STARD13: variants seen among roughly 807,000 people sequenced by gnomAD.
STARD13 encodes the protein stAR-related lipid transfer protein 13.
Under a neutral mutation model 106.4 loss-of-function variants are expected in STARD13, and 62 were observed. That is an observed-to-expected ratio of 0.58 (90% CI 0.48 to 0.72). The LOEUF is 0.72. Among genes scored for constraint, STARD13 ranks in the 30% least tolerant of loss-of-function variants. The probability of loss-of-function intolerance (pLI) is 0.00; values close to 1 mark genes in which losing one functional copy is unlikely to be tolerated. For synonymous variants in STARD13, 565 were observed against 553.0 expected, an observed-to-expected ratio of 1.02 and a Z score of -0.31; for missense variants, 1,387 against 1,424.0, an observed-to-expected ratio of 0.97 and a Z score of 0.42.
At chr13:33,478,492 A>G in the STARD13 span, among the ~76,000 whole-genome samples, 7 of 152,216 alleles carry the variant, frequency 4.6e-5, no homozygotes, top group Non-Finnish European at 7.3e-5. Context: ...AAGGTCAGAA[A>G]GGATATAAAT....
chr13:33,359,183 C>T, the STARD13 span, among the ~76,000 whole-genome samples: 1 of 152,100 alleles, frequency 6.6e-6, no homozygotes, highest in Non-Finnish European at 1.5e-5. Context: ...TGCTACTGCT[C>T]ACTCTTTGGG....
At chr13:33,489,883 C>T in the STARD13 span, among the ~76,000 whole-genome samples, 2 of 151,986 alleles carry the variant, frequency 1.3e-5, no homozygotes, top group Non-Finnish European at 2.9e-5. Flanking sequence ...ATTCTTTCTT[C>T]TAAAAGGGGT....
At position 33,103,668 on chromosome 13, in the gene STARD13, T is replaced by C. The variant is rs145243368; in HGVS notation, c.*1925A>G. On this transcript the variant is annotated 3_prime_UTR_variant, in exon 14 of 14. Coordinates refer to ENST00000336934, the MANE Select transcript of STARD13 (RefSeq NM_178006.4). Reference sequence around the variant, plus strand: ...AGGCAATTCATGTGCATGTGAAATCTGGACAAGCACCTCTCTGGGCGATAC... The same window carrying C: ...AGGCAATTCATGTGCATGTGAAATCCGGACAAGCACCTCTCTGGGCGATAC... The C allele has an allele frequency of 1.3e-5, 2 of 152,740 alleles. No homozygotes were observed. The highest frequency in any genetic ancestry group is 1.5e-5 in the Non-Finnish European group (1 of 68,022). The allele number at this position is 152,740 out of a possible 1,614,324, so 9.5% of individuals were successfully genotyped here. A position where few individuals can be genotyped will look rare whatever the true frequency, so the allele number is the denominator to read the frequency against.
At chr13:33,550,593 T>G in the STARD13 span, among the ~76,000 whole-genome samples, 141 of 152,328 alleles carry the variant, frequency 9.3e-4, 2 homozygotes, top group Admixed American at 8.9e-3. Flanking sequence ...ATGGTACAAA[T>G]CTTCAAAACC....
chr13:33,376,590 T>C, the STARD13 span, among the ~76,000 whole-genome samples: 1 of 151,798 alleles, frequency 6.6e-6, no homozygotes, highest in Non-Finnish European at 1.5e-5. Context: ...CACCACACTC[T>C]ATCCTGACCA....
the STARD13 span, among the ~76,000 whole-genome samples, chr13:33,500,557 A>G: frequency 1.3e-5 from 2 of 152,212 alleles, no homozygotes; most frequent in African/African-American, 4.8e-5. Context: ...AAGATGTTCA[A>G]TGAAAAATTT....
At chr13:33,373,022 C>T in the STARD13 span, among the ~76,000 whole-genome samples, 2 of 152,064 alleles carry the variant, frequency 1.3e-5, no homozygotes, top group African/African-American at 4.8e-5. Flanking sequence ...TCTTTCAGAG[C>T]TACTTTCTAT....
At chr13:33,140,766 C>CTTTT (rs1231426601) in intron 4 of STARD13, among the ~76,000 whole-genome samples, 1 of 142,864 alleles carries the variant, frequency 7.0e-6, no homozygotes, top group Non-Finnish European at 1.5e-5. Flanking sequence ...TCTTTTCTTT[C>CTTTT]TTTTTTTTTT....
the STARD13 span, among the ~76,000 whole-genome samples, chr13:33,407,117 C>T: frequency 6.6e-6 from 1 of 152,156 alleles, no homozygotes; most frequent in Non-Finnish European, 1.5e-5. Context: ...CAGTTTAACC[C>T]ACGGTCCAGC....
At chr13:33,176,250 A>T (rs571393417) in intron 1 of STARD13, among the ~76,000 whole-genome samples, 1 of 152,186 alleles carries the variant, frequency 6.6e-6, no homozygotes, top group Non-Finnish European at 1.5e-5. Context: ...TGAAAACTTG[A>T]TATTGTATGT....
At chr13:33,542,625 G>C in the STARD13 span, among the ~76,000 whole-genome samples, 1 of 152,190 alleles carries the variant, frequency 6.6e-6, no homozygotes, top group Admixed American at 6.5e-5. Context: ...CGCCGCCCCG[G>C]GTTTCCGCTC....
the STARD13 span, among the ~76,000 whole-genome samples, chr13:33,673,887 G>C: frequency 6.8e-6 from 1 of 147,918 alleles, no homozygotes; most frequent in African/African-American, 2.5e-5. Context: ...TTCTGAGGAA[G>C]AGTCGCTCTG....
the STARD13 span, among the ~76,000 whole-genome samples, chr13:33,423,977 G>A: frequency 9.2e-5 from 14 of 152,214 alleles, no homozygotes; most frequent in South Asian, 2.9e-3. Flanking sequence ...ATAGCATTAG[G>A]AGAAATACCT....
At chr13:33,671,199 C>T in the STARD13 span, among the ~76,000 whole-genome samples, 1 of 152,174 alleles carries the variant, frequency 6.6e-6, no homozygotes, top group Non-Finnish European at 1.5e-5. Context: ...ATAATTGAAA[C>T]AATCTAACTG....
At chr13:33,609,976 AAAAGTC>A in the STARD13 span, among the ~76,000 whole-genome samples, 1 of 152,350 alleles carries the variant, frequency 6.6e-6, no homozygotes. Context: ...AAGTGGGGAA[AAAAGTC>A]ATGCTCCTGA....
the STARD13 span, among the ~76,000 whole-genome samples, chr13:33,438,983 A>C: frequency 6.6e-6 from 1 of 152,248 alleles, no homozygotes; most frequent in East Asian, 1.9e-4. Flanking sequence ...GCAATACGCT[A>C]TCTACAAGAT....
At chr13:33,401,407 A>G in the STARD13 span, among the ~76,000 whole-genome samples, 1 of 152,272 alleles carries the variant, frequency 6.6e-6, no homozygotes, top group Admixed American at 6.5e-5. Context: ...TTGCACTCAT[A>G]AAATTGGGGC....
At chr13:33,154,279 T>C (rs1881679986) in intron 3 of STARD13, among the ~76,000 whole-genome samples, 1 of 152,110 alleles carries the variant, frequency 6.6e-6, no homozygotes, top group Non-Finnish European at 1.5e-5. Context: ...TCTGTTCAGC[T>C]TTTCCCTCTG....
the STARD13 span, among the ~76,000 whole-genome samples, chr13:33,601,847 C>T: frequency 5.3e-5 from 8 of 152,140 alleles, no homozygotes; most frequent in Non-Finnish European, 1.2e-4. Context: ...TGTAGTGGGC[C>T]CAAAACTGTT....
Sources: gnomAD v4.1 joint callset for allele counts (sites outside exome capture counted in the v4.1 genomes callset) on GRCh38, gnomAD v4.1.1 for gene constraint, MANE v1.5 for transcripts, NCBI Gene and HGNC (gene_info 2026-07-23, HGNC 2026-07-21) for gene names.